The following MRTFB variants were observed in gnomAD, a reference collection of about 807,000 sequenced individuals.
The protein encoded by MRTFB is myocardin related transcription factor B.
A neutral mutation model predicts 104.2 loss-of-function variants in MRTFB; 29 were observed. The ratio of observed to expected loss-of-function variants is 0.28; its 90% CI spans 0.21 to 0.38. The LOEUF is 0.38. Among genes scored for constraint, MRTFB ranks in the 10% least tolerant of loss-of-function variants. The probability of loss-of-function intolerance (pLI) is 1.00; values close to 1 mark genes in which losing one functional copy is unlikely to be tolerated. For synonymous variants in MRTFB, 535 were observed against 519.5 expected (o/e 1.03, Z -0.41); for missense variants, 1,270 against 1,341.6 (o/e 0.95, Z 0.83).
rs1340455671 is a variant in MRTFB, at chr16:14,246,982, T to C, written c.1722T>C (p.Leu574=). The C allele has an allele frequency of 6.2e-7, 1 of 1,614,098 alleles. No homozygotes were observed. The highest frequency in any genetic ancestry group is 1.1e-5 in the South Asian group (1 of 91,086). ...ELDAAEKDRK[L]QEKEKQIEEL... Reference sequence around the variant, plus strand: ...ATGCAGCCGAAAAGGATCGCAAGCTTCAGGAGAAAGAGAAGCAAATCGAAG... The same window carrying C: ...ATGCAGCCGAAAAGGATCGCAAGCTCCAGGAGAAAGAGAAGCAAATCGAAG... The change falls in exon 12 of 17, where the codon CTT becomes CTC. Residue 574 remains leucine, a synonymous_variant. Coordinates refer to ENST00000571589, the MANE Select transcript of MRTFB (RefSeq NM_001308142.2).
intron 2 of MRTFB, among the ~76,000 whole-genome samples, chr16:14,138,912 A>G (rs2037859108): frequency 6.6e-6 from 1 of 152,224 alleles, no homozygotes; most frequent in South Asian, 2.1e-4. Flanking sequence ...GTATTTCACC[A>G]CATAAATAAA....
At chr16:14,057,265 G>C in the MRTFB span, among the ~76,000 whole-genome samples, 1,927 of 151,770 alleles carry the variant, frequency 0.013, 21 homozygotes, top group South Asian at 0.02. Context: ...ACATATTTCC[G>C]GAAAAAAAAA....
chr16:14,236,832 A>T (rs1176748183), intron 9 of MRTFB, among the ~76,000 whole-genome samples: 1 of 152,186 alleles, frequency 6.6e-6, no homozygotes, highest in Non-Finnish European at 1.5e-5. Context: ...AGTAGGGCGC[A>T]AAGGTAGAAG....
At chr16:14,034,428 A>G in the MRTFB span, among the ~76,000 whole-genome samples, 2 of 152,174 alleles carry the variant, frequency 1.3e-5, no homozygotes, top group African/African-American at 4.8e-5. Context: ...AGTGTGGCCA[A>G]CATGGCGAAA....
chr16:14,247,195 T>C lies in MRTFB; in HGVS notation c.1935T>C (p.Pro645=). 2 of 1,614,158 alleles carry C rather than the reference T, an allele frequency of 1.2e-6. No homozygotes were observed. Among genetic ancestry groups the C allele is most frequent in the South Asian group, 1.1e-5 (1 of 91,080 alleles). The change falls in exon 12 of 17, where the codon CCT becomes CCC. Residue 645 remains proline, a synonymous_variant. Coordinates refer to ENST00000571589, the MANE Select transcript of MRTFB (RefSeq NM_001308142.2). ...GSSIKDEASL[P]DCSSSRQPIP... ...CCATCAAAGATGAGGCCTCACTCCCTGACTGCTCCAGCTCCAGGCAGCCCA... is the reference window on the plus strand; with the variant it reads ...CCATCAAAGATGAGGCCTCACTCCCCGACTGCTCCAGCTCCAGGCAGCCCA...
rs2043782112 is a variant in MRTFB, at chr16:14,261,610, T to G, written c.*166T>G. On this transcript the variant is annotated 3_prime_UTR_variant, in exon 17 of 17. Coordinates refer to ENST00000571589, the MANE Select transcript of MRTFB (RefSeq NM_001308142.2). ...CCTGGAACCCAAGTTTGAAAACATT[T>G]CATTGTGTTCAGTAGTGAATTTCTA... 1.5e-6 allele frequency: 1 copy of G among 669,338 alleles called. No individual in the cohort carries two copies. The highest frequency in any genetic ancestry group is 2.4e-6 in the Non-Finnish European group (1 of 410,950). The allele number at this position is 669,338 out of a possible 1,614,324, so 41.5% of individuals were successfully genotyped here.
chr16:14,096,138 G>A (rs1026793905), intron 2 of MRTFB, among the ~76,000 whole-genome samples: 1 of 151,816 alleles, frequency 6.6e-6, no homozygotes, highest in African/African-American at 2.4e-5. Context: ...GTGCAGTGGC[G>A]CGATCTTGGC....
chr16:14,033,625 GT>G, the MRTFB span, among the ~76,000 whole-genome samples: 1 of 151,620 alleles, frequency 6.6e-6, no homozygotes, highest in Admixed American at 6.6e-5. Context: ...TCACCTTAAG[GT>G]CAGGAGTTTG....
At chr16:14,074,606 A>C (rs2033925067) in intron 1 of MRTFB, among the ~76,000 whole-genome samples, 1 of 152,180 alleles carries the variant, frequency 6.6e-6, no homozygotes, top group Non-Finnish European at 1.5e-5. Context: ...TCTTAGTAGG[A>C]CATTATATCT....
chr16:14,199,449 A>G (rs2040584486), intron 3 of MRTFB, among the ~76,000 whole-genome samples: 1 of 152,204 alleles, frequency 6.6e-6, no homozygotes, highest in African/African-American at 2.4e-5. Context: ...ATCGGGACCC[A>G]TGTAGCCAAC....
chr16:14,185,481 T>TAAA (rs2151027481), intron 3 of MRTFB, among the ~76,000 whole-genome samples: 1 of 152,352 alleles, frequency 6.6e-6, no homozygotes, highest in South Asian at 2.1e-4. Context: ...GTGCTTCCTT[T>TAAA]AGAGAACTTA....
At chr16:14,198,261 G>C (rs1567445741) in intron 3 of MRTFB, among the ~76,000 whole-genome samples, 3 of 152,168 alleles carry the variant, frequency 2.0e-5, no homozygotes, top group African/African-American at 7.2e-5. Flanking sequence ...CTGCCTCTTG[G>C]CTATTGTGAA....
At position 14,218,848 on chromosome 16, in the gene MRTFB, T is replaced by G; in HGVS notation, c.543T>G (p.Thr181=). ...IGVGKEDYPH[T]QGDFSFDEDS... is the part of the protein sequence containing the mutation. The stretch of plus-strand genomic sequence containing the variant: ...TTGGGAAGGAGGACTATCCCCACAC[T>G]CAGGGCGATTTCTCATTTGATGAAG... Residue 181 remains threonine, a synonymous_variant, in exon 8 of 17, where the codon ACT becomes ACG. Coordinates refer to ENST00000571589, the MANE Select transcript of MRTFB (RefSeq NM_001308142.2). 6.2e-7 allele frequency: 1 copy of G among 1,612,324 alleles called. No individual in the cohort carries two copies. Among genetic ancestry groups the G allele is most frequent in the Non-Finnish European group, 8.5e-7 (1 of 1,179,020 alleles).
chr16:14,066,632 T>C (rs1200573994), upstream of MRTFB, among the ~76,000 whole-genome samples: 1 of 151,988 alleles, frequency 6.6e-6, no homozygotes, highest in Non-Finnish European at 1.5e-5. Flanking sequence ...ATGGAAACCA[T>C]ACCTTAAACC....
the MRTFB span, among the ~76,000 whole-genome samples, chr16:14,050,193 G>T: frequency 6.6e-6 from 1 of 151,918 alleles, no homozygotes; most frequent in African/African-American, 2.4e-5. Context: ...ACAGAAATGT[G>T]GCAAAAATGT....
intron 8 of MRTFB, among the ~76,000 whole-genome samples, chr16:14,226,540 A>T (rs1039433819): frequency 6.6e-6 from 1 of 152,346 alleles, no homozygotes; most frequent in East Asian, 1.9e-4. Flanking sequence ...GACTCCATAG[A>T]CAAAGATCTA....
At chr16:14,143,170 T>C (rs1215436442) in intron 3 of MRTFB, 2 of 151,576 alleles carry the variant, frequency 1.3e-5, no homozygotes, top group Non-Finnish European at 2.9e-5. Context: ...TCTTTTTTTT[T>C]TTTTTTTTTC....
At chr16:14,003,754 G>C in the MRTFB span, among the ~76,000 whole-genome samples, 1 of 151,190 alleles carries the variant, frequency 6.6e-6, no homozygotes, top group Non-Finnish European at 1.5e-5. Flanking sequence ...GAGACTAGAG[G>C]GGGGAAACTC....
the MRTFB span, among the ~76,000 whole-genome samples, chr16:14,051,097 C>T: frequency 1.3e-5 from 2 of 152,038 alleles, no homozygotes; most frequent in African/African-American, 2.4e-5. Context: ...CACACCTGGA[C>T]ACACACAAAC....
Sources: allele counts gnomAD v4.1 joint callset (sites outside exome capture counted in the v4.1 genomes callset), GRCh38; gene constraint gnomAD v4.1.1; transcripts MANE v1.5; gene names NCBI Gene and HGNC (gene_info 2026-07-23, HGNC 2026-07-21).